The following MYPN variants were observed in gnomAD, a reference collection of about 807,000 sequenced individuals.
MYPN encodes the protein sarcomeric protein myopalladin, 145 kDa (MYOP).
In MYPN, 63 loss-of-function variants were observed where a neutral mutation model predicts 129.4. That is an observed-to-expected ratio of 0.49 (90% CI 0.40 to 0.60). The LOEUF (loss-of-function observed/expected upper bound fraction) is 0.60. Among genes scored for constraint, MYPN ranks in the 20% least tolerant of loss-of-function variants. The pLI is 0.00. For missense variants in MYPN, 1,596 were observed against 1,635.4 expected, an observed-to-expected ratio of 0.98 and a Z score of 0.42; for synonymous variants, 629 against 600.9, an observed-to-expected ratio of 1.05 and a Z score of -0.68.
At chr10:68,200,977 A>G (rs1163150819) in intron 17 of MYPN, among the ~76,000 whole-genome samples, 1 of 152,212 alleles carries the variant, frequency 6.6e-6, no homozygotes, top group Non-Finnish European at 1.5e-5. Context: ...ACCCTAAGAC[A>G]TGAGGTACCT....
At position 68,148,368 on chromosome 10, in the gene MYPN, T is replaced by C; in HGVS notation, c.1146T>C (p.Asn382=). Residue 382 remains asparagine (N), a synonymous_variant, in exon 5 of 20, where the codon AAT becomes AAC. Coordinates refer to ENST00000358913, the MANE Select transcript of MYPN (RefSeq NM_032578.4). ...AATTTCTCAGAATCCAGAAGCCAAA[T>C]GAGGTGTCATCTCCTCCCACTACCT... is the stretch of plus-strand genomic sequence containing the variant. ...KEEMNRIQKP[N]EVSSPPTTSA... The C allele has an allele frequency of 6.2e-7, 1 of 1,613,682 alleles. No individual in the cohort carries two copies. The highest frequency in any genetic ancestry group is 1.1e-5 in the South Asian group (1 of 91,070).
intron 10 of MYPN, 72 bp from the exon 11 acceptor site, chr10:68,173,994 G>C (rs2043184331): frequency 8.1e-7 from 1 of 1,241,532 alleles, no homozygotes; most frequent in Non-Finnish European, 1.2e-6. Context: ...CAGTCTGTCT[G>C]AACATTGTTT....
rs2043633269 is a variant in MYPN, at chr10:68,197,627, G to A, written c.3285+149G>A. The A allele has an allele frequency of 8.9e-6, 8 of 903,814 alleles. No homozygotes were observed. The South Asian group carries it at 1.2e-4, about 14-fold the overall frequency. 56.0% of individuals were successfully genotyped at this position (903,814 alleles called of 1,614,324 possible). A position where few individuals can be genotyped will look rare whatever the true frequency, so the allele number is the denominator to read the frequency against. ...ACAGATCACTTTTTTTCATCATAAG[G>A]CTTGTTTGGAGTATTTAATGTCAGA... On this transcript the variant is annotated intron_variant, in intron 16 of 19. Transcript: ENST00000358913.
chr10:68,126,498 A>G (rs1036495051), intron 2 of MYPN, among the ~76,000 whole-genome samples: 2 of 152,232 alleles, frequency 1.3e-5, no homozygotes, highest in Non-Finnish European at 1.5e-5. Context: ...AAATGAAGCC[A>G]TGAAGCCACT....
intron 19 of MYPN, among the ~76,000 whole-genome samples, chr10:68,209,996 T>C (rs983479642): frequency 2.6e-5 from 4 of 152,166 alleles, no homozygotes; most frequent in Non-Finnish European, 5.9e-5. Context: ...CCTGGCCGCA[T>C]CTTAGAGGAA....
chr10:68,196,392 C>CACA (rs2043605337), intron 15 of MYPN, among the ~76,000 whole-genome samples: 1 of 151,710 alleles, frequency 6.6e-6, no homozygotes. Context: ...CTGACACAGA[C>CACA]GAATTAAATG....
At chr10:68,119,854 T>C (rs1423796929) in intron 1 of MYPN, among the ~76,000 whole-genome samples, 3 of 152,222 alleles carry the variant, frequency 2.0e-5, no homozygotes, top group African/African-American at 7.2e-5. Context: ...TCATCTCTAA[T>C]TGCTTCTCAA....
intron 1 of MYPN, among the ~76,000 whole-genome samples, chr10:68,100,697 C>T (rs2041977620): frequency 6.6e-6 from 1 of 152,136 alleles, no homozygotes; most frequent in African/African-American, 2.4e-5. Flanking sequence ...TGTGGACGAA[C>T]CCTTGGGCAA....
At chr10:68,100,073 T>A (rs2041974796) in intron 1 of MYPN, among the ~76,000 whole-genome samples, 1 of 152,192 alleles carries the variant, frequency 6.6e-6, no homozygotes. Context: ...TTGGAAAATC[T>A]TAAAGTATGC....
chr10:68,154,401 A>C (rs767776866), intron 6 of MYPN, among the ~76,000 whole-genome samples: 1 of 152,232 alleles, frequency 6.6e-6, no homozygotes, highest in Non-Finnish European at 1.5e-5. Context: ...GAGAATTTGA[A>C]AAAGAGCACT....
rs369280981 is a variant in MYPN at position 68,171,527 on chromosome 10, T to G, written c.1974-2539T>G. Among the ~76,000 whole-genome samples the G allele has an allele frequency of 6.6e-5, 10 of 152,238 alleles. No individual in the cohort carries two copies. In the South Asian group the frequency reaches 2.1e-3, roughly 31 times the overall value. On this transcript the variant is annotated intron_variant, in intron 10 of 19. Transcript: ENST00000358913. Reference sequence around the variant, plus strand: ...TTTTAACAGGCCCTCCAGAGGATTCTGAGGCCCAGTAAAGTTTGAGAATGA... The same window carrying G: ...TTTTAACAGGCCCTCCAGAGGATTCGGAGGCCCAGTAAAGTTTGAGAATGA...
At chr10:68,136,635 C>T in intron 2 of MYPN, 1 of 1,533,742 alleles carries the variant, frequency 6.5e-7, no homozygotes. Flanking sequence ...TGAGTAAGGA[C>T]AAAAACACTT....
chr10:68,175,062 A>C (rs909929285), intron 11 of MYPN, among the ~76,000 whole-genome samples: 1 of 150,378 alleles, frequency 6.6e-6, no homozygotes, highest in South Asian at 2.1e-4. Flanking sequence ...ATTGAACCCA[A>C]GAGGCGGAGG....
intron 2 of MYPN, among the ~76,000 whole-genome samples, chr10:68,134,479 A>C (rs951868701): frequency 6.6e-6 from 1 of 152,174 alleles, no homozygotes; most frequent in Non-Finnish European, 1.5e-5. Context: ...ACATTTATTC[A>C]TCCTCTCTTT....
intron 2 of MYPN, among the ~76,000 whole-genome samples, chr10:68,138,888 A>C (rs2042529048): frequency 6.6e-6 from 1 of 152,138 alleles, no homozygotes; most frequent in African/African-American, 2.4e-5. Flanking sequence ...CTTTGCTTGT[A>C]CAACTCTTTA....
In MYPN at chr10:68,121,643, CAAG is replaced by C. The variant is rs796296823; in HGVS notation, c.211_213del (p.Glu71del). On this transcript the variant is annotated inframe_deletion, in exon 2 of 20. Transcript: ENST00000358913. The stretch of plus-strand genomic sequence containing the variant: ...TCCAGATCTTTCAGCCTTTCTGAGC[CAAG>C]AAGAATTAGACGAAAGTGTCAATTT... 3 of 1,614,204 alleles carry C rather than the reference CAAG, an allele frequency of 1.9e-6. No homozygotes were observed. The highest frequency in any genetic ancestry group is 1.3e-5 in the African/African-American group (1 of 75,048).
In MYPN at chr10:68,194,454, T is replaced by G. The variant is rs864622711; in HGVS notation, c.3017T>G (p.Ile1006Ser). 12 of 1,613,818 alleles carry G rather than the reference T, an allele frequency of 7.4e-6. No individual in the cohort carries two copies. Among genetic ancestry groups the G allele is most frequent in the East Asian group, 6.7e-5 (3 of 44,864 alleles). The change falls in exon 14 of 20, where the codon ATT (isoleucine) becomes AGT (serine). Residue 1006 changes from isoleucine to serine, a missense_variant. Transcript: ENST00000358913. Reference sequence around the variant, plus strand: ...GGAGATGGGACATGCTCTCTGCACATTGAATCCACTACCAGTGATGACGAT... The same window carrying G: ...GGAGATGGGACATGCTCTCTGCACAGTGAATCCACTACCAGTGATGACGAT... ...REGDGTCSLHIESTTSDDDGN... is the reference protein window; with the variant it reads ...REGDGTCSLHSESTTSDDDGN...
At chr10:68,201,226 T>G (rs73267198) in intron 17 of MYPN, among the ~76,000 whole-genome samples, 2,346 of 152,312 alleles carry the variant, frequency 0.015, 67 homozygotes, top group African/African-American at 0.054. Flanking sequence ...TTCCTGGCAT[T>G]TGCATCCCAT....
At chr10:68,117,004 G>A (rs1463081073) in intron 1 of MYPN, among the ~76,000 whole-genome samples, 1 of 151,956 alleles carries the variant, frequency 6.6e-6, no homozygotes, top group African/African-American at 2.4e-5. Flanking sequence ...TGGATCACTC[G>A]AGGTCAGGAG....
Sources: allele counts gnomAD v4.1 joint callset (sites outside exome capture counted in the v4.1 genomes callset), GRCh38; gene constraint gnomAD v4.1.1; transcripts MANE v1.5; gene names NCBI Gene and HGNC (gene_info 2026-07-23, HGNC 2026-07-21).